The following MOV10 variants were observed in gnomAD, a reference collection of about 807,000 sequenced individuals.
MOV10 encodes Mov10 RNA helicase, also known as RNA helicase MOV-10.
MOV10 carries 39 observed loss-of-function variants against 108.4 expected under a neutral mutation model. The observed-to-expected ratio is 0.36, with a 90% CI of 0.28 to 0.47. The LOEUF (loss-of-function observed/expected upper bound fraction) is 0.47, where lower values mean the gene tolerates loss of function less well. Among genes scored for constraint, MOV10 ranks in the 20% least tolerant of loss-of-function variants. MOV10 has a pLI of 1.00. For missense variants in MOV10, 952 were observed against 1,297.6 expected (o/e 0.73, Z 4.09); for synonymous variants, 490 against 523.1 (o/e 0.94, Z 0.86).
intron 2 of MOV10, chr1:112,686,932 A>G (rs1427992778): frequency 2.2e-6 from 1 of 456,460 alleles, no homozygotes; most frequent in Non-Finnish European, 4.4e-6. Context: ...GACAATTGCA[A>G]GGGCCTTCTT....
At chr1:112,676,077 C>A (rs1026017875) in intron 2 of MOV10, among the ~76,000 whole-genome samples, 20 of 152,160 alleles carry the variant, frequency 1.3e-4, no homozygotes, top group Non-Finnish European at 2.5e-4. Context: ...ATATCGTTTT[C>A]ACTAATGGTT....
Position 112,700,690 on chromosome 1 carries a change from G to A in MOV10, c.*183G>A, listed in dbSNP as rs934415959. 2.7e-5 allele frequency: 41 copies of A among 1,525,298 alleles called. No individual in the cohort carries two copies. Among genetic ancestry groups the A allele is most frequent in the Non-Finnish European group, 3.5e-5 (40 of 1,143,128 alleles). 94.5% of individuals were successfully genotyped at this position (1,525,298 alleles called of 1,614,324 possible). A position where few individuals can be genotyped will look rare whatever the true frequency, so the allele number is the denominator to read the frequency against. On this transcript the variant is annotated 3_prime_UTR_variant, in exon 21 of 21. Coordinates refer to ENST00000369645, the MANE Select transcript of MOV10 (RefSeq NM_001321324.2). ...ACACATCAAGCTGCTAACAATTGGG[G>A]GAAGGGGAAGGAAGAAAACTCTGAA...
Position 112,689,362 on chromosome 1 carries a change from C to G in MOV10, c.342-53C>G, listed in dbSNP as rs1010863608. 5.3e-6 allele frequency: 8 copies of G among 1,517,678 alleles called. No homozygotes were observed. The African/African-American group carries it at 1.1e-4, about 21-fold the overall frequency. The allele number at this position is 1,517,678 out of a possible 1,614,324, so 94.0% of individuals were successfully genotyped here. On this transcript the variant is annotated intron_variant, in intron 3 of 20. Transcript: ENST00000369645. ...GCCTAAAGCTTTCCCCAGGGTAACT[C>G]CCCAGTCAGACCGCTCCCACCCCAA...
intron 5 of MOV10, among the ~76,000 whole-genome samples, chr1:112,691,207 C>T (rs901584363): frequency 6.6e-6 from 1 of 152,144 alleles, no homozygotes; most frequent in African/African-American, 2.4e-5. Context: ...ATTGCTTGAA[C>T]CTGGGAGGCG....
rs749155784 is a variant in MOV10, at chr1:112,689,525, T to C, written c.452T>C (p.Leu151Pro). The C allele has an allele frequency of 6.2e-7, 1 of 1,614,196 alleles. No individual in the cohort carries two copies. The highest frequency in any genetic ancestry group is 8.5e-7 in the Non-Finnish European group (1 of 1,180,042). ...CTGGATTTGAACCGCAAAGAGGTGC[T>C]GACCCTGAGGCTTCGGAATGGCGGA... is the stretch of plus-strand genomic sequence containing the variant. ...IRLDLNRKEV[L>P]TLRLRNGGTQ... is the part of the protein sequence containing the mutation. The change falls in exon 4 of 21, where the codon CTG becomes CCG. Residue 151 changes from leucine (L) to proline (P), a missense_variant. Physicochemically the swap from Leu to Pro is moderately conservative, Grantham distance 98. Around this residue, in one of 5 missense-constraint regions of MOV10, gnomAD observed 374 missense variants for 468.6 expected, o/e 0.80. Coordinates refer to ENST00000369645, the MANE Select transcript of MOV10 (RefSeq NM_001321324.2).
At chr1:112,674,658 C>G (rs1161462003), upstream of MOV10, 4 of 372,270 alleles carry the variant, frequency 1.1e-5, no homozygotes, top group African/African-American at 6.5e-5. Context: ...AGGGAGGGGT[C>G]AGACGCTTTA....
intron 2 of MOV10, among the ~76,000 whole-genome samples, chr1:112,676,019 TGGG>T (rs34460135): frequency 0.2 from 30,675 of 151,750 alleles, 3,426 homozygotes; most frequent in Middle Eastern, 0.26. Flanking sequence ...TGATTTGGGG[TGGG>T]GGAAAAGGGT....
chr1:112,677,375 A>ATAAAAAAAAAT (rs1238790588), intron 2 of MOV10, among the ~76,000 whole-genome samples: 289 of 151,904 alleles, frequency 1.9e-3, no homozygotes, highest in African/African-American at 6.0e-3. Context: ...TGTTGGGGAA[A>ATAAAAAAAAAT]TGTATGTTCA....
chr1:112,694,668 G>C lies in MOV10; in HGVS notation c.1472+39G>C. ...CAGGGAGCTTCTGGAGCCACTTGGAGTGTGGGCACAGGGGGTGGAGTCAGG... is the reference window on the plus strand; with the variant it reads ...CAGGGAGCTTCTGGAGCCACTTGGACTGTGGGCACAGGGGGTGGAGTCAGG... On this transcript the variant is annotated intron_variant, in intron 9 of 20. Coordinates refer to ENST00000369645, the MANE Select transcript of MOV10 (RefSeq NM_001321324.2). This position sits in a 1 kb window ranked among gnomAD's most constrained non-coding sequence, Gnocchi z 4.1. The C allele has an allele frequency of 6.3e-7, 1 of 1,593,028 alleles. No homozygotes were observed. Among genetic ancestry groups the C allele is most frequent in the South Asian group, 1.1e-5 (1 of 87,608 alleles).
chr1:112,679,782 T>G (rs1672482711), intron 2 of MOV10, among the ~76,000 whole-genome samples: 1 of 152,108 alleles, frequency 6.6e-6, no homozygotes, highest in Non-Finnish European at 1.5e-5. Context: ...TGTAATCAAA[T>G]TGTCAAAAAT....
At chr1:112,689,671 A>G (rs1673403412) in intron 4 of MOV10, 21 bp downstream of exon 4, 1 of 1,610,742 alleles carries the variant, frequency 6.2e-7, no homozygotes, top group Non-Finnish European at 8.5e-7. Context: ...TTCCAAAGGA[A>G]AGAGCTGGTG....
At position 112,684,211 on chromosome 1, in the gene MOV10, C is replaced by T. The variant is rs1251895194; in HGVS notation, c.138-4724C>T. ...GCTCAAGTGATCCTCCCACCTCAGCCTCCCAAAGTGCTAGGATTAGAGGCG... is the reference window on the plus strand; with the variant it reads ...GCTCAAGTGATCCTCCCACCTCAGCTTCCCAAAGTGCTAGGATTAGAGGCG... On this transcript the variant is annotated intron_variant, in intron 2 of 20. Transcript: ENST00000369645. Among the ~76,000 whole-genome samples the T allele has an allele frequency of 4.6e-5, 7 of 151,952 alleles. No homozygotes were observed. The East Asian group carries it at 7.7e-4, about 17-fold the overall frequency.
In MOV10 at chr1:112,694,059, C is replaced by T. The variant is rs3748656; in HGVS notation, c.1182C>T (p.Gly394=). The T allele has an allele frequency of 0.23, 369,540 of 1,613,520 alleles. 47,045 individuals are homozygous for T. The highest frequency in any genetic ancestry group is 0.57 in the East Asian group (25,701 of 44,818). Residue 394 remains glycine, a synonymous_variant, in exon 8 of 21, where the codon GGC becomes GGT. Transcript: ENST00000369645. This position sits in a 1 kb window ranked among gnomAD's most constrained non-coding sequence, Gnocchi z 4.1. ...AGAGCCGCCCCTCAGTGCTACGGGG[C>T]GACCACCTGTTTGCCCTTTTGTCCT... ...VTESRPSVLR[G]DHLFALLSSE...
chr1:112,682,221 G>T (rs1189994936), intron 2 of MOV10, among the ~76,000 whole-genome samples: 1 of 152,068 alleles, frequency 6.6e-6, no homozygotes, highest in Non-Finnish European at 1.5e-5. Context: ...TGTTGTTTGG[G>T]TTTTGGTTTT....
chr1:112,674,995 TG>T lies in MOV10; in HGVS notation c.85del (p.Glu29ArgfsTer33). On this transcript the variant is annotated frameshift_variant, in exon 2 of 21. Coordinates refer to ENST00000369645, the MANE Select transcript of MOV10 (RefSeq NM_001321324.2). LOFTEE classifies it high-confidence loss of function. Reference protein sequence around the residue: ...ESFLVVRGLDMETDRERLRTI... With the variant: ...ESFLVVRGLDXETDRERLRTI... ...TTCCTGGTCGTTCGGGGACTGGACA[TG>T]GAGACAGATCGCGAGCGGCTGCGGA... 6.3e-7 allele frequency: 1 copy of T among 1,583,886 alleles called. No individual in the cohort carries two copies. The highest frequency in any genetic ancestry group is 8.6e-7 in the Non-Finnish European group (1 of 1,166,168).
chr1:112,674,785 A>G lies in MOV10; in HGVS notation c.-66+56A>G, dbSNP rs1672046887. 5.7e-6 allele frequency: 5 copies of G among 884,710 alleles called. No homozygotes were observed. The East Asian group carries it at 9.0e-5, about 16-fold the overall frequency. 54.8% of individuals were successfully genotyped at this position (884,710 alleles called of 1,614,324 possible). Reference sequence around the variant, plus strand: ...TGGGGAGAAGGGAGCCCGCAGGATCAGGGGTCAGAGTTAGGGGGCTTCCCT... The same window carrying G: ...TGGGGAGAAGGGAGCCCGCAGGATCGGGGGTCAGAGTTAGGGGGCTTCCCT... On this transcript the variant is annotated intron_variant, in intron 1 of 20. Transcript: ENST00000369645.
chr1:112,688,672 T>C, intron 2 of MOV10: 1 of 1,368,350 alleles, frequency 7.3e-7, no homozygotes, highest in Non-Finnish European at 9.4e-7. Context: ...GATTGGGCTT[T>C]TCCCCTCAGA....
chr1:112,679,540 G>A (rs965228291), intron 2 of MOV10, among the ~76,000 whole-genome samples: 15 of 152,064 alleles, frequency 9.9e-5, no homozygotes, highest in African/African-American at 3.6e-4. Flanking sequence ...TGTAAATTGA[G>A]GGAACAAGAT....
intron 12 of MOV10, 60 bp from the exon 13 acceptor site, chr1:112,696,377 C>A: frequency 6.8e-7 from 1 of 1,471,658 alleles, no homozygotes; most frequent in Non-Finnish European, 9.5e-7. Flanking sequence ...CCTGGGAAAG[C>A]ATTCAGGTTT....
Sources: gnomAD v4.1 joint callset for allele counts (sites outside exome capture counted in the v4.1 genomes callset) on GRCh38, gnomAD v4.1.1 for gene constraint, gnomAD v4.1.1 regional missense constraint, Gnocchi (gnomAD v3.1) non-coding constraint, MANE v1.5 for transcripts, NCBI Gene and HGNC (gene_info 2026-07-23, HGNC 2026-07-21) for gene names.